CUL4B: variants seen among roughly 807,000 people sequenced by gnomAD.
CUL4B encodes the protein cullin 4B.
In CUL4B, 1 loss-of-function variant was observed where a neutral mutation model predicts 69.2. The observed-to-expected ratio is 0.01, with a 90% CI of 0.01 to 0.07. The LOEUF is 0.07. Among genes scored for constraint, CUL4B ranks in the 10% least tolerant of loss-of-function variants. CUL4B has a pLI of 1.00. For synonymous variants in CUL4B, 237 were observed against 223.2 expected, an observed-to-expected ratio of 1.06 and a Z score of -0.55; for missense variants, 328 against 638.8, an observed-to-expected ratio of 0.51 and a Z score of 5.24.
Position 120,560,719 on chromosome X carries a change from A to G in CUL4B, c.-81T>C. 1 of 1,085,117 alleles carries G rather than the reference A, an allele frequency of 9.2e-7. No homozygotes were observed. 89.4% of individuals were successfully genotyped at this position (1,085,117 alleles called of 1,213,427 possible). On this transcript the variant is annotated 5_prime_UTR_variant, in exon 1 of 20. Transcript: ENST00000371322. ...GCGTGCGTGTAGGAGAGAAGGTAGC[A>G]ATGCTAGAGGGGGAAGGGAAGAAAG...
chrX:120,542,096 TAAAAAG>T (rs982483778), intron 9 of CUL4B, among the ~76,000 whole-genome samples: 9 of 110,787 alleles, frequency 8.1e-5, no homozygotes, highest in Non-Finnish European at 1.7e-4. Context: ...TTAAAAAAAT[TAAAAAG>T]AAAAAGAAAA....
At chrX:120,542,291 T>G (rs1244246281) in intron 9 of CUL4B, among the ~76,000 whole-genome samples, 1 of 111,616 alleles carries the variant, frequency 9.0e-6, no homozygotes, top group African/African-American at 3.3e-5. Context: ...TCAAAAGCCA[T>G]GCATAAATAG....
Position 120,524,491 on chromosome X carries a change from A to T in CUL4B, c.*2270T>A, listed in dbSNP as rs997013675. ...ACAAAACCATTACAAAATTTTTAAA[A>T]AGTTTAAAAATAACAAAATCAACAA... is the stretch of plus-strand genomic sequence containing the variant. On this transcript the variant is annotated 3_prime_UTR_variant, in exon 20 of 20. Transcript: ENST00000371322. 1 of 112,153 alleles carries T rather than the reference A, an allele frequency of 8.9e-6. No homozygotes were observed. Among genetic ancestry groups the T allele is most frequent in the Non-Finnish European group, 1.9e-5 (1 of 53,214 alleles). The allele number at this position is 112,153 out of a possible 1,213,427, so 9.2% of individuals were successfully genotyped here.
chrX:120,549,722 G>A (rs1023179105), intron 2 of CUL4B, among the ~76,000 whole-genome samples: 3 of 111,340 alleles, frequency 2.7e-5, no homozygotes, highest in Admixed American at 1.9e-4. Context: ...CGTGACCTGG[G>A]GCTAGGCCAC....
rs143306049 is a variant in CUL4B, at chrX:120,548,536, A to G, written c.673-1297T>C. 3.9e-3 allele frequency among the ~76,000 whole-genome samples: 438 copies of G among 111,840 alleles called. 1 individual carries two copies. Among genetic ancestry groups the G allele is most frequent in the Non-Finnish European group, 6.9e-3 (366 of 53,195 alleles). On this transcript the variant is annotated intron_variant, in intron 2 of 19. Transcript: ENST00000371322. The stretch of plus-strand genomic sequence containing the variant: ...TTTCAGTTTAAGAATAGTTAAATAT[A>G]GATTTTAAAATCTGTGGCTGGGCGC...
chrX:120,527,852 A>T (rs1379750692), intron 19 of CUL4B, among the ~76,000 whole-genome samples: 1 of 111,979 alleles, frequency 8.9e-6, no homozygotes, highest in Non-Finnish European at 1.9e-5. Flanking sequence ...TACATACATT[A>T]AACTGTCACA....
rs1602590960 is a variant in CUL4B, at chrX:120,560,714, G to A, written c.-76C>T. 6.3e-5 allele frequency: 70 copies of A among 1,116,264 alleles called. No homozygotes were observed. The highest frequency in any genetic ancestry group is 7.7e-5 in the Non-Finnish European group (65 of 845,496). The allele number at this position is 1,116,264 out of a possible 1,213,427, so 92.0% of individuals were successfully genotyped here. ...TGCCTGCGTGCGTGTAGGAGAGAAG[G>A]TAGCAATGCTAGAGGGGGAAGGGAA... On this transcript the variant is annotated 5_prime_UTR_variant, in exon 1 of 20. Transcript: ENST00000371322.
chrX:120,572,057 C>T (rs1925725429), intron 2 of CUL4B: 2 of 108,368 alleles, frequency 1.8e-5, no homozygotes, highest in South Asian at 4.1e-4. Flanking sequence ...CAGATCATGG[C>T]GAATATTGTA....
At chrX:120,560,985 T>G, upstream of CUL4B, 1 of 954,088 alleles carries the variant, frequency 1.0e-6, no homozygotes, top group Middle Eastern at 4.6e-4. Context: ...CTCCTCCTCC[T>G]TTTCTCCCTC....
chrX:120,548,827 C>T (rs938908209), intron 2 of CUL4B, among the ~76,000 whole-genome samples: 2 of 111,097 alleles, frequency 1.8e-5, no homozygotes, highest in Non-Finnish European at 3.8e-5. Flanking sequence ...GAGAGAGACT[C>T]CATCTCAAAA....
Position 120,560,935 on chromosome X carries a change from C to G in CUL4B, c.-297G>C, listed in dbSNP as rs1925260715. The G allele has an allele frequency of 4.0e-6, 3 of 751,042 alleles. No individual in the cohort carries two copies. Among genetic ancestry groups the G allele is most frequent in the Non-Finnish European group, 4.7e-6 (3 of 638,450 alleles). The allele number at this position is 751,042 out of a possible 1,213,427, so 61.9% of individuals were successfully genotyped here. On this transcript the variant is annotated 5_prime_UTR_variant, in exon 1 of 20. Transcript: ENST00000371322. ...CCTGCTTTTCGATCTCTCTCCCCCCCTTTCTGCAGGAGCGACTCAGCGAGT... is the reference window on the plus strand; with the variant it reads ...CCTGCTTTTCGATCTCTCTCCCCCCGTTTCTGCAGGAGCGACTCAGCGAGT...
chrX:120,529,987 C>A, intron 19 of CUL4B, 115 bp downstream of exon 19: 3 of 774,770 alleles, frequency 3.9e-6, no homozygotes, highest in Non-Finnish European at 5.5e-6. Flanking sequence ...GAAATTAAAA[C>A]TTTTCTCTCT....
chrX:120,570,036 T>C (rs191765651), downstream of CUL4B, among the ~76,000 whole-genome samples: 88 of 111,700 alleles, frequency 7.9e-4, no homozygotes, highest in African/African-American at 2.6e-3. Flanking sequence ...ATGAAGGAAA[T>C]GAAGGCAGCA....
chrX:120,570,989 C>T (rs965937845), downstream of CUL4B, among the ~76,000 whole-genome samples: 2 of 88,938 alleles, frequency 2.2e-5, no homozygotes, highest in Admixed American at 1.6e-4. Context: ...CCCAGGAGTT[C>T]GAGACTAGCC....
intron 12 of CUL4B, among the ~76,000 whole-genome samples, 162 bp from the exon 13 acceptor site, chrX:120,538,932 T>C (rs757298030): frequency 8.9e-6 from 1 of 112,450 alleles, no homozygotes; most frequent in Non-Finnish European, 1.9e-5. Context: ...TCCATTTTTG[T>C]GCCAGACATT....
chrX:120,550,123 G>A (rs1427536831), intron 2 of CUL4B, among the ~76,000 whole-genome samples: 4 of 111,407 alleles, frequency 3.6e-5, no homozygotes, highest in Non-Finnish European at 7.5e-5. Context: ...GACTCACATG[G>A]CACTCGCACC....
chrX:120,553,580 C>T (rs1924805730), intron 2 of CUL4B, among the ~76,000 whole-genome samples: 1 of 111,334 alleles, frequency 9.0e-6, no homozygotes, highest in Non-Finnish European at 1.9e-5. Context: ...TACAAACTTC[C>T]AGCATCTCCA....
intron 19 of CUL4B, among the ~76,000 whole-genome samples, chrX:120,528,779 T>C (rs910520867): frequency 1.8e-5 from 2 of 111,937 alleles, no homozygotes; most frequent in African/African-American, 6.5e-5. Context: ...TAGATCTTCA[T>C]ATTTCTGGTT....
chrX:120,530,404 G>GA, intron 18 of CUL4B, 150 bp from the exon 19 acceptor site: 1 of 524,054 alleles, frequency 1.9e-6, no homozygotes, highest in Non-Finnish European at 3.2e-6. Context: ...TGCTGACAGA[G>GA]AAAAATCCTA....
Sources: allele counts gnomAD v4.1 joint callset (sites outside exome capture counted in the v4.1 genomes callset), GRCh38; gene constraint gnomAD v4.1.1; transcripts MANE v1.5; gene names NCBI Gene and HGNC (gene_info 2026-07-23, HGNC 2026-07-21).